VLDLR: variants seen among roughly 807,000 people sequenced by gnomAD.
VLDLR encodes very low density lipoprotein receptor, also known as very low-density lipoprotein receptor.
A neutral mutation model predicts 112.7 loss-of-function variants in VLDLR; 81 were observed. That is an observed-to-expected ratio of 0.72 (90% CI 0.60 to 0.86). The LOEUF (loss-of-function observed/expected upper bound fraction) is 0.86, where lower values mean the gene tolerates loss of function less well. Ranked by LOEUF, VLDLR falls within the 40% of genes least tolerant of loss-of-function variation. VLDLR has a pLI of 0.00. For synonymous variants in VLDLR, 436 were observed against 384.8 expected (o/e 1.13, Z -1.56); for missense variants, 1,237 against 1,099.4 (o/e 1.13, Z -1.77).
chr9:2,640,108 C>A, intron 3 of VLDLR, 127 bp downstream of exon 3: 1 of 1,466,964 alleles, frequency 6.8e-7, no homozygotes. Flanking sequence ...GGTCAATTGA[C>A]TCCAAGGGCA....
intron 1 of VLDLR, among the ~76,000 whole-genome samples, chr9:2,627,792 G>C (rs1817160953): frequency 6.6e-6 from 1 of 151,376 alleles, no homozygotes; most frequent in East Asian, 1.9e-4. Context: ...TTGAACCCGG[G>C]TGGCAGAGAT....
At position 2,622,077 on chromosome 9, in the gene VLDLR, C is replaced by T. The variant is rs34433332; in HGVS notation, c.-113C>T. On this transcript the variant is annotated 5_prime_UTR_variant, in exon 1 of 19. Coordinates refer to ENST00000382100, the MANE Select transcript of VLDLR (RefSeq NM_003383.5). Reference sequence around the variant, plus strand: ...CGCCAACTCCTTCCCCTCCTTCTCCCCCTTTCCCCTCCCCGCCCCCACCTT... The same window carrying T: ...CGCCAACTCCTTCCCCTCCTTCTCCTCCTTTCCCCTCCCCGCCCCCACCTT... The T allele has an allele frequency of 2.0e-5, 22 of 1,074,268 alleles. No individual in the cohort carries two copies. The highest frequency in any genetic ancestry group is 5.1e-6 in the Non-Finnish European group (4 of 778,024). The allele number at this position is 1,074,268 out of a possible 1,614,324, so 66.5% of individuals were successfully genotyped here.
In VLDLR at chr9:2,622,936, C is replaced by T. The variant is rs550630152; in HGVS notation, c.82+665C>T. Among the ~76,000 whole-genome samples, 5 of 152,114 alleles carry T rather than the reference C, an allele frequency of 3.3e-5. No homozygotes were observed. The South Asian group carries it at 1.0e-3, about 32-fold the overall frequency. On this transcript the variant is annotated intron_variant, in intron 1 of 18. Transcript: ENST00000382100. ...GCTTTACGCAGGACTCTGCTCTGGG[C>T]GCTTCTCCTCTCCCTTTTCCCCGCC...
At chr9:2,637,410 TAATC>T (rs1817638216) in intron 2 of VLDLR, among the ~76,000 whole-genome samples, 1 of 152,236 alleles carries the variant, frequency 6.6e-6, no homozygotes, top group Admixed American at 6.5e-5. Flanking sequence ...CTGAGCTAAT[TAATC>T]AGCAACCTAA....
In VLDLR at chr9:2,658,775, A is replaced by G. The variant is rs4741754; in HGVS notation, c.*4907A>G. 127,301 of 152,082 alleles carry G rather than the reference A, an allele frequency of 0.84. 53,893 individuals carry two copies. The highest frequency in any genetic ancestry group is 0.99 in the East Asian group (5,083 of 5,158). 9.4% of individuals were successfully genotyped at this position (152,082 alleles called of 1,614,324 possible). ...CAATGCTAGGGCTGTATTTACTGTC[A>G]CACACAGGCACCGGTAAGTGACTTT... On this transcript the variant is annotated 3_prime_UTR_variant, in exon 19 of 19. Transcript: ENST00000382100.
Position 2,643,218 on chromosome 9 carries a change from G to A in VLDLR, c.507G>A (p.Arg169=). The A allele has an allele frequency of 6.2e-7, 1 of 1,614,060 alleles. No individual in the cohort carries two copies. Among genetic ancestry groups the A allele is most frequent in the Non-Finnish European group, 8.5e-7 (1 of 1,180,032 alleles). ...FTCSSGRCIS[R]NFVCNGQDDC... The stretch of plus-strand genomic sequence containing the variant: ...GCTCCAGTGGCCGCTGCATCTCCAG[G>A]AACTTTGTATGCAATGGCCAGGATG... Residue 169 remains arginine, a synonymous_variant, in exon 5 of 19, where the codon AGG becomes AGA. Coordinates refer to ENST00000382100, the MANE Select transcript of VLDLR (RefSeq NM_003383.5).
chr9:2,636,455 C>T (rs1381781084), intron 2 of VLDLR, among the ~76,000 whole-genome samples: 3 of 152,158 alleles, frequency 2.0e-5, no homozygotes, highest in Non-Finnish European at 4.4e-5. Context: ...CTTGTTATGC[C>T]TTTACCTACT....
Position 2,630,326 on chromosome 9 carries a change from A to G in VLDLR, c.83-5127A>G, listed in dbSNP as rs1370266163. On this transcript the variant is annotated intron_variant, in intron 1 of 18. Transcript: ENST00000382100. ...AAGTGGCAAGCAGTAGAAGTGAACT[A>G]GACTAAAAATAAATGCCCTTGGTGG... Among the ~76,000 whole-genome samples the G allele has an allele frequency of 2.0e-5, 3 of 152,198 alleles. No individual in the cohort carries two copies. In the East Asian group the frequency reaches 5.8e-4, roughly 29 times the overall value.
At position 2,656,375 on chromosome 9, in the gene VLDLR, C is replaced by T. The variant is rs975834537; in HGVS notation, c.*2507C>T. The T allele has an allele frequency of 6.6e-6, 1 of 152,078 alleles. No individual in the cohort carries two copies. The highest frequency in any genetic ancestry group is 2.4e-5 in the African/African-American group (1 of 41,384). The allele number at this position is 152,078 out of a possible 1,614,324, so 9.4% of individuals were successfully genotyped here. ...TTGGAAGGCCAAGGCAGGAGGATCACTTGAGGCCAGGAGTTCGAGACCAGC... is the reference window on the plus strand; with the variant it reads ...TTGGAAGGCCAAGGCAGGAGGATCATTTGAGGCCAGGAGTTCGAGACCAGC... On this transcript the variant is annotated 3_prime_UTR_variant, in exon 19 of 19. Transcript: ENST00000382100.
rs1818554161 is a variant in VLDLR at position 2,655,281 on chromosome 9, G to GA, written c.*1419dup. On this transcript the variant is annotated 3_prime_UTR_variant, in exon 19 of 19. Transcript: ENST00000382100. ...GAGCAGATGAGGAGTTTGAGACAAAGAAAAAATTGTACAGGGAGTTTAGTG... is the reference window on the plus strand; with the variant it reads ...GAGCAGATGAGGAGTTTGAGACAAAGAAAAAAATTGTACAGGGAGTTTAGTG... 1 of 152,108 alleles carries GA rather than the reference G, an allele frequency of 6.6e-6. No individual in the cohort carries two copies. The highest frequency in any genetic ancestry group is 2.4e-5 in the African/African-American group (1 of 41,422). The allele number at this position is 152,108 out of a possible 1,614,324, so 9.4% of individuals were successfully genotyped here.
At chr9:2,636,527 C>T (rs558871660) in intron 2 of VLDLR, among the ~76,000 whole-genome samples, 1 of 152,268 alleles carries the variant, frequency 6.6e-6, no homozygotes, top group Admixed American at 6.5e-5. Context: ...TGTGCTACAC[C>T]TGATCTCTCA....
intron 18 of VLDLR, among the ~76,000 whole-genome samples, chr9:2,653,514 A>C (rs567377897): frequency 1.3e-5 from 2 of 152,296 alleles, no homozygotes; most frequent in East Asian, 3.9e-4. Flanking sequence ...CTCCCCTCTC[A>C]AACTCCGGTG....
intron 11 of VLDLR, among the ~76,000 whole-genome samples, 172 bp downstream of exon 11, chr9:2,646,724 T>A (rs1420598926): frequency 6.6e-6 from 1 of 152,238 alleles, no homozygotes; most frequent in Non-Finnish European, 1.5e-5. Context: ...CCCTGGGATG[T>A]CCTTATCTAT....
chr9:2,626,291 A>G (rs896336273), intron 1 of VLDLR, among the ~76,000 whole-genome samples: 1 of 152,190 alleles, frequency 6.6e-6, no homozygotes, highest in Non-Finnish European at 1.5e-5. Context: ...AGGTAATTTT[A>G]TAGACTATTT....
intron 1 of VLDLR, among the ~76,000 whole-genome samples, chr9:2,624,416 C>T (rs1437168497): frequency 2.0e-5 from 3 of 152,186 alleles, no homozygotes; most frequent in Non-Finnish European, 2.9e-5. Flanking sequence ...CACAATACTC[C>T]TGGACAAGAC....
At chr9:2,631,771 T>C (rs1817361267) in intron 1 of VLDLR, among the ~76,000 whole-genome samples, 1 of 152,178 alleles carries the variant, frequency 6.6e-6, no homozygotes, top group Admixed American at 6.5e-5. Flanking sequence ...GCTCGCGTGA[T>C]GGACACCCTA....
chr9:2,627,931 G>A (rs1160764074), intron 1 of VLDLR, among the ~76,000 whole-genome samples: 1 of 151,972 alleles, frequency 6.6e-6, no homozygotes, highest in Admixed American at 6.6e-5. Flanking sequence ...AGGGAACAGG[G>A]ACCTTTATAA....
intron 17 of VLDLR, 117 bp downstream of exon 17, chr9:2,652,071 A>G (rs2130809149): frequency 2.2e-6 from 2 of 928,778 alleles, no homozygotes; most frequent in Non-Finnish European, 3.4e-6. Context: ...CATTTATGAC[A>G]CTGAATTACG....
rs775459214 is a variant in VLDLR, at chr9:2,643,748, A to C, written c.941A>C (p.Asn314Thr). The C allele has an allele frequency of 6.8e-6, 11 of 1,614,074 alleles. No individual in the cohort carries two copies. In the South Asian group the frequency reaches 1.1e-4, roughly 16 times the overall value. The part of the protein sequence containing the change: ...VDGSDEVNCK[N>T]VNQCLGPGKF... ...GGTTCCGATGAAGTCAACTGCAAAA[A>C]TGGTAAGGGTTTCTTCTTGTTGGTT... is the stretch of plus-strand genomic sequence containing the variant. The change falls in exon 6 of 19, where the codon AAT (asparagine) becomes ACT (threonine). Residue 314 changes from asparagine to threonine, a missense_variant and splice_region_variant. By Grantham distance (65) the Asn-to-Thr change is moderately conservative. Transcript: ENST00000382100.
Sources: allele counts gnomAD v4.1 joint callset (sites outside exome capture counted in the v4.1 genomes callset), GRCh38; gene constraint gnomAD v4.1.1; transcripts MANE v1.5; gene names NCBI Gene and HGNC (gene_info 2026-07-23, HGNC 2026-07-21).